The following ZMYM4 variants were observed in gnomAD, a reference collection of about 807,000 sequenced individuals.
ZMYM4 encodes the protein zinc finger MYM-type protein 4.
A neutral mutation model predicts 183.2 loss-of-function variants in ZMYM4; 31 were observed. The ratio of observed to expected loss-of-function variants is 0.17; its 90% CI spans 0.13 to 0.23. The LOEUF (loss-of-function observed/expected upper bound fraction) is 0.23. Among genes scored for constraint, ZMYM4 ranks in the 10% least tolerant of loss-of-function variants. The pLI is 1.00. For missense variants in ZMYM4, 1,273 were observed against 1,840.3 expected, an observed-to-expected ratio of 0.69 and a Z score of 5.64; for synonymous variants, 592 against 631.2, an observed-to-expected ratio of 0.94 and a Z score of 0.93.
intron 1 of ZMYM4, among the ~76,000 whole-genome samples, chr1:35,311,007 G>A (rs1196995350): frequency 2.6e-5 from 4 of 152,016 alleles, no homozygotes; most frequent in African/African-American, 7.3e-5. Context: ...AACAGTATAC[G>A]CTTCTATCAC....
intron 16 of ZMYM4, 74 bp from the exon 17 acceptor site, chr1:35,392,573 C>T: frequency 7.1e-7 from 1 of 1,410,962 alleles, no homozygotes; most frequent in Non-Finnish European, 9.8e-7. Flanking sequence ...TGTTTATGTA[C>T]TGATAATCAG....
At chr1:35,310,678 A>G (rs1641752735) in intron 1 of ZMYM4, among the ~76,000 whole-genome samples, 1 of 152,050 alleles carries the variant, frequency 6.6e-6, no homozygotes, top group South Asian at 2.1e-4. Flanking sequence ...TCCCAGATTC[A>G]AGTGGTTCTC....
chr1:35,313,642 G>A (rs1641908217), intron 1 of ZMYM4, among the ~76,000 whole-genome samples: 1 of 152,000 alleles, frequency 6.6e-6, no homozygotes, highest in Non-Finnish European at 1.5e-5. Context: ...ACCCAGGTTG[G>A]CCTCCCAAAG....
intron 1 of ZMYM4, 41 bp from the exon 2 acceptor site, chr1:35,325,319 A>G (rs1642459686): frequency 6.4e-7 from 1 of 1,571,018 alleles, no homozygotes; most frequent in African/African-American, 1.4e-5. Flanking sequence ...ATGATAGAAG[A>G]TATGATGGTA....
At position 35,390,103 on chromosome 1, in the gene ZMYM4, A is replaced by G; in HGVS notation, c.2587+5A>G. On this transcript the variant is annotated splice_donor_5th_base_variant and intron_variant, in intron 15 of 29. Coordinates refer to ENST00000314607, the MANE Select transcript of ZMYM4 (RefSeq NM_005095.3). ...CGCCTTCACAAAATAATGCAGGTAA[A>G]ATTAACCTTAGGTACTGAATGGAGT... is the stretch of plus-strand genomic sequence containing the variant. The G allele has an allele frequency of 6.2e-7, 1 of 1,612,762 alleles. No individual in the cohort carries two copies.
At chr1:35,296,248 C>G (rs1641002367) in intron 1 of ZMYM4, among the ~76,000 whole-genome samples, 1 of 152,162 alleles carries the variant, frequency 6.6e-6, no homozygotes, top group African/African-American at 2.4e-5. Flanking sequence ...GAGTCCACTT[C>G]AGGATTCCCT....
chr1:35,316,804 G>A (rs1642064518), intron 1 of ZMYM4, among the ~76,000 whole-genome samples: 2 of 152,190 alleles, frequency 1.3e-5, no homozygotes, highest in Admixed American at 6.5e-5. Context: ...ACAAGAGCTA[G>A]GCCTGCATGT....
At chr1:35,294,134 CA>C (rs566640178) in intron 1 of ZMYM4, among the ~76,000 whole-genome samples, 326 of 126,792 alleles carry the variant, frequency 2.6e-3, no homozygotes, top group Middle Eastern at 4.6e-3. Context: ...GACACTGTCT[CA>C]AAAAAAAAAA....
rs542860939 is a variant in ZMYM4 at position 35,296,217 on chromosome 1, G to A, written c.39+27132G>A. Among the ~76,000 whole-genome samples, 5 of 152,290 alleles carry A rather than the reference G, an allele frequency of 3.3e-5. No homozygotes were observed. In the East Asian group the frequency reaches 9.6e-4, roughly 29 times the overall value. On this transcript the variant is annotated intron_variant, in intron 1 of 29. Transcript: ENST00000314607. ...TCTCAGGAAATGTAGTTGGGTGGTA[G>A]GTGTGCAGGTTGCAGAGGATGAGTC...
rs1445500177 is a variant in ZMYM4, at chr1:35,325,388, A to C, written c.68A>C (p.Asp23Ala). 6.2e-7 allele frequency: 1 copy of C among 1,602,912 alleles called. No individual in the cohort carries two copies. Among genetic ancestry groups the C allele is most frequent in the Non-Finnish European group, 8.5e-7 (1 of 1,174,154 alleles). ...RFEQKSGAVF[D>A]EIVENCGGIM... ...GAACAAAAAAGTGGTGCAGTTTTTG[A>C]TGAAATTGTAGAGAACTGTAAGTAC... The change falls in exon 2 of 30, where the codon GAT becomes GCT. Residue 23 changes from aspartate (D) to alanine (A), a missense_variant. By Grantham distance (126) the Asp-to-Ala change is moderately radical (BLOSUM62 -2). Around this residue, in one of 6 missense-constraint regions of ZMYM4, gnomAD observed 384 missense variants for 465.6 expected, o/e 0.82. Transcript: ENST00000314607.
chr1:35,373,433 A>G (rs1644259975), intron 7 of ZMYM4, among the ~76,000 whole-genome samples: 4 of 146,952 alleles, frequency 2.7e-5, no homozygotes, highest in Admixed American at 1.4e-4. Context: ...GCTGGAGTGC[A>G]GTGGCGCAGT....
At chr1:35,315,980 A>G (rs1642027575) in intron 1 of ZMYM4, among the ~76,000 whole-genome samples, 1 of 152,174 alleles carries the variant, frequency 6.6e-6, no homozygotes, top group Non-Finnish European at 1.5e-5. Context: ...AAAAAGAAAT[A>G]CTTTATGTAT....
intron 1 of ZMYM4, among the ~76,000 whole-genome samples, chr1:35,309,362 T>C (rs1317863309): frequency 6.6e-6 from 1 of 152,220 alleles, no homozygotes; most frequent in African/African-American, 2.4e-5. Flanking sequence ...CAAACACATA[T>C]TTGTCCTTTA....
At chr1:35,281,155 G>A (rs535521239) in intron 1 of ZMYM4, among the ~76,000 whole-genome samples, 1 of 151,790 alleles carries the variant, frequency 6.6e-6, no homozygotes, top group Admixed American at 6.6e-5. Flanking sequence ...GTGGTGGCAC[G>A]TGCCTGTAAT....
chr1:35,409,174 A>G (rs1029609557), intron 26 of ZMYM4, among the ~76,000 whole-genome samples: 1 of 152,244 alleles, frequency 6.6e-6, no homozygotes, highest in Non-Finnish European at 1.5e-5. Context: ...TTGTTTATCC[A>G]TTCATCCACT....
At position 35,398,404 on chromosome 1, in the gene ZMYM4, TTTC is replaced by T; in HGVS notation, c.3200-6_3200-4del. 1 of 1,607,692 alleles carries T rather than the reference TTTC, an allele frequency of 6.2e-7. No individual in the cohort carries two copies. The highest frequency in any genetic ancestry group is 8.5e-7 in the Non-Finnish European group (1 of 1,177,732). Reference sequence around the variant, plus strand: ...CATAAATTATTTATGTGCTTTTCTTTTTCTTTAGAGTCCCAAACTTCTGAACAC... The same window carrying T: ...CATAAATTATTTATGTGCTTTTCTTTTTTAGAGTCCCAAACTTCTGAACAC... On this transcript the variant is annotated splice_polypyrimidine_tract_variant and splice_region_variant and intron_variant, in intron 20 of 29. Coordinates refer to ENST00000314607, the MANE Select transcript of ZMYM4 (RefSeq NM_005095.3).
At chr1:35,301,167 CA>C (rs1206213235) in intron 1 of ZMYM4, among the ~76,000 whole-genome samples, 1 of 152,150 alleles carries the variant, frequency 6.6e-6, no homozygotes. Flanking sequence ...AGCTTCTTGG[CA>C]AAAGCTAATT....
chr1:35,412,324 A>G (rs1020298991), intron 26 of ZMYM4, among the ~76,000 whole-genome samples: 7 of 152,080 alleles, frequency 4.6e-5, no homozygotes, highest in African/African-American at 2.4e-5. Context: ...AAGATTTTCT[A>G]TATATAGGAT....
intron 2 of ZMYM4, among the ~76,000 whole-genome samples, chr1:35,342,724 G>A (rs898188860): frequency 3.3e-5 from 5 of 152,056 alleles, no homozygotes; most frequent in African/African-American, 7.2e-5. Context: ...AGGATGGAGT[G>A]CAGTGGTGTG....
Sources: allele counts gnomAD v4.1 joint callset (sites outside exome capture counted in the v4.1 genomes callset), GRCh38; gene constraint gnomAD v4.1.1; regional missense constraint gnomAD v4.1.1; transcripts MANE v1.5; gene names NCBI Gene and HGNC (gene_info 2026-07-23, HGNC 2026-07-21).